RLF: variants seen among roughly 807,000 people sequenced by gnomAD.
RLF encodes RLF zinc finger.
Under a neutral mutation model 162.9 loss-of-function variants are expected in RLF, and 7 were observed. That is an observed-to-expected ratio of 0.04 (90% confidence interval 0.02 to 0.08). The LOEUF (loss-of-function observed/expected upper bound fraction) is 0.08. Among genes scored for constraint, RLF ranks in the 10% least tolerant of loss-of-function variants. The probability of loss-of-function intolerance (pLI) is 1.00; values close to 1 mark genes in which losing one functional copy is unlikely to be tolerated. For missense variants in RLF, 1,664 were observed against 2,244.7 expected (o/e 0.74, Z 5.23); for synonymous variants, 782 against 791.5 (o/e 0.99, Z 0.20).
chr1:40,228,082 C>A (rs887320969), intron 6 of RLF, among the ~76,000 whole-genome samples: 1 of 151,956 alleles, frequency 6.6e-6, no homozygotes, highest in Non-Finnish European at 1.5e-5. Context: ...GTCAGGAGTT[C>A]GAGACCAGCC....
intron 7 of RLF, 41 bp downstream of exon 7, chr1:40,231,699 A>T: frequency 6.4e-7 from 1 of 1,553,068 alleles, no homozygotes; most frequent in Non-Finnish European, 8.7e-7. Context: ...TAGCTGGAGG[A>T]AAGAAATGAG....
At chr1:40,200,939 C>CACAG (rs1491177076) in intron 4 of RLF, among the ~76,000 whole-genome samples, 4 of 102,950 alleles carry the variant, frequency 3.9e-5, no homozygotes, top group African/African-American at 1.5e-4. Context: ...CACACACACA[C>CACAG]TGGTTTATCC....
chr1:40,205,392 T>C (rs1642777157), intron 5 of RLF, among the ~76,000 whole-genome samples: 1 of 152,052 alleles, frequency 6.6e-6, no homozygotes, highest in African/African-American at 2.4e-5. Context: ...ATCCTGTTTC[T>C]ACTTTTAGCT....
Position 40,236,310 on chromosome 1 carries a change from A to G in RLF, c.1608A>G (p.Arg536=), listed in dbSNP as rs761821941. 6.2e-7 allele frequency: 1 copy of G among 1,614,050 alleles called. No individual in the cohort carries two copies. The highest frequency in any genetic ancestry group is 8.5e-7 in the Non-Finnish European group (1 of 1,180,010). Residue 536 remains arginine, a synonymous_variant, in exon 8 of 8, where the codon AGA becomes AGG. Coordinates refer to ENST00000372771, the MANE Select transcript of RLF (RefSeq NM_012421.4). The surrounding 1 kb of genome is among the most constrained non-coding windows in gnomAD (Gnocchi z 7.7). ...TGACAGATCAGCATAAGGAGAAAAG[A>G]GACAAAAAACCTATTGGCTCTTCTG... ...RDLTDQHKEK[R]DKKPIGSSER...
At chr1:40,180,402 G>A (rs1443201155) in intron 1 of RLF, among the ~76,000 whole-genome samples, 1 of 152,028 alleles carries the variant, frequency 6.6e-6, no homozygotes, top group African/African-American at 2.4e-5. Flanking sequence ...GGGATTATAG[G>A]CGCCCGCCAC....
rs35301710 is a variant in RLF at position 40,179,546 on chromosome 1, CTTT to C, written c.238-9497_238-9495del. Among the ~76,000 whole-genome samples, 1,421 of 143,440 alleles carry C rather than the reference CTTT, an allele frequency of 9.9e-3. 22 individuals carry two copies. Among genetic ancestry groups the C allele is most frequent in the African/African-American group, 0.034 (1,319 of 39,290 alleles). 94.1% of individuals were successfully genotyped at this position (143,440 alleles called of 152,430 possible). Reference sequence around the variant, plus strand: ...AAAGTCTCTAGACTTAAAGTTAACTCTTTTTTTTTTTTTTGGTACTTTTATTGT... The same window carrying C: ...AAAGTCTCTAGACTTAAAGTTAACTCTTTTTTTTTTTGGTACTTTTATTGT... On this transcript the variant is annotated intron_variant, in intron 1 of 7. Coordinates refer to ENST00000372771, the MANE Select transcript of RLF (RefSeq NM_012421.4).
At position 40,161,598 on chromosome 1, in the gene RLF, G is replaced by A. The variant is rs868391019; in HGVS notation, c.199G>A (p.Glu67Lys). The change falls in exon 1 of 8, where the codon GAG becomes AAG. Residue 67 changes from glutamate (E) to lysine (K), a missense_variant. Physicochemically the swap from Glu to Lys is moderately conservative, Grantham distance 56 (BLOSUM62 1). Around this residue, in one of 15 missense-constraint regions of RLF, gnomAD observed 134 missense variants for 124.3 expected, o/e 1.08. Transcript: ENST00000372771. This position sits in a 1 kb window ranked among gnomAD's most constrained non-coding sequence, Gnocchi z 4.4. ...ETELREQEVS[E>K]VSSLNYCRSF... ...AGAGCTGAGGGAGCAAGAGGTGTCG[G>A]AGGTCTCATCTTTGAACTACTGCCG... 1 of 1,613,296 alleles carries A rather than the reference G, an allele frequency of 6.2e-7. No individual in the cohort carries two copies. Among genetic ancestry groups the A allele is most frequent in the South Asian group, 1.1e-5 (1 of 90,958 alleles).
chr1:40,221,006 C>T (rs889590205), intron 5 of RLF, among the ~76,000 whole-genome samples: 3 of 150,780 alleles, frequency 2.0e-5, no homozygotes, highest in Non-Finnish European at 3.0e-5. Flanking sequence ...GTGGTACACA[C>T]CTGTGGTCCC....
At chr1:40,177,292 CT>C (rs552640229) in intron 1 of RLF, among the ~76,000 whole-genome samples, 7,625 of 143,622 alleles carry the variant, frequency 0.053, 457 homozygotes, top group African/African-American at 0.16. Context: ...TTCTTTCTTT[CT>C]TTTTTTTTTT....
intron 1 of RLF, among the ~76,000 whole-genome samples, chr1:40,180,777 G>A (rs1171414584): frequency 6.6e-6 from 1 of 152,152 alleles, no homozygotes; most frequent in Non-Finnish European, 1.5e-5. Flanking sequence ...AGGTCTTTAT[G>A]TGTTTAGATA....
intron 1 of RLF, among the ~76,000 whole-genome samples, chr1:40,183,797 T>C (rs1642437750): frequency 6.6e-6 from 1 of 151,916 alleles, no homozygotes; most frequent in Non-Finnish European, 1.5e-5. Flanking sequence ...ATTTTTGAAA[T>C]GGGCTGATAA....
At position 40,219,495 on chromosome 1, in the gene RLF, A is replaced by G. The variant is rs140262470; in HGVS notation, c.811-3079A>G. On this transcript the variant is annotated intron_variant, in intron 5 of 7. Coordinates refer to ENST00000372771, the MANE Select transcript of RLF (RefSeq NM_012421.4). ...ATGATCAGATGTCTCATTTAGTTAA[A>G]TGACAGTGGAAAATAAGTCTAGAGT... is the stretch of plus-strand genomic sequence containing the variant. 2.0e-5 allele frequency among the ~76,000 whole-genome samples: 3 copies of G among 152,346 alleles called. No homozygotes were observed. In the East Asian group the frequency reaches 5.8e-4, roughly 29 times the overall value.
In RLF at chr1:40,161,542, G is replaced by C. The variant is rs1380228794; in HGVS notation, c.143G>C (p.Gly48Ala). Residue 48 changes from glycine (G) to alanine (A), a missense_variant, in exon 1 of 8, where the codon GGA becomes GCA. By Grantham distance (60) the Gly-to-Ala change is moderately conservative. This residue lies in a region of RLF where 134 missense variants were observed against 124.3 expected (regional missense o/e 1.08). Coordinates refer to ENST00000372771, the MANE Select transcript of RLF (RefSeq NM_012421.4). This position sits in a 1 kb window ranked among gnomAD's most constrained non-coding sequence, Gnocchi z 4.4. The part of the protein sequence containing the change: ...RPVSPAPGAS[G>A]LRPCLWQLET... The stretch of plus-strand genomic sequence containing the variant: ...GTATCTCCAGCGCCGGGAGCCTCGG[G>C]ACTGCGGCCGTGTCTGTGGCAGCTG... The C allele has an allele frequency of 2.5e-6, 4 of 1,608,156 alleles. No homozygotes were observed. Among genetic ancestry groups the C allele is most frequent in the Non-Finnish European group, 2.5e-6 (3 of 1,177,658 alleles).
chr1:40,198,656 A>G (rs1251618674), intron 4 of RLF, among the ~76,000 whole-genome samples: 1 of 152,204 alleles, frequency 6.6e-6, no homozygotes, highest in Non-Finnish European at 1.5e-5. Context: ...TGAAGTATAT[A>G]GTATAAGATA....
chr1:40,224,620 A>T (rs1570557969), intron 6 of RLF, among the ~76,000 whole-genome samples: 1 of 76,070 alleles, frequency 1.3e-5, no homozygotes, highest in South Asian at 4.5e-4. Flanking sequence ...TTGTTTTTGA[A>T]AGCTTTTTTT....
intron 1 of RLF, among the ~76,000 whole-genome samples, chr1:40,178,679 TGTTTTGTG>T (rs1306952945): frequency 6.8e-6 from 1 of 146,896 alleles, no homozygotes; most frequent in African/African-American, 2.5e-5. Flanking sequence ...TGGTCTTTTT[TGTTTTGTG>T]TTTTTTTTTT....
At chr1:40,183,608 T>A (rs1023309490) in intron 1 of RLF, among the ~76,000 whole-genome samples, 1 of 152,112 alleles carries the variant, frequency 6.6e-6, no homozygotes, top group African/African-American at 2.4e-5. Context: ...AATAGTTGAA[T>A]TGTGAAAAGG....
intron 5 of RLF, among the ~76,000 whole-genome samples, chr1:40,220,858 G>A (rs984918869): frequency 6.6e-6 from 1 of 151,860 alleles, no homozygotes; most frequent in Non-Finnish European, 1.5e-5. Flanking sequence ...CAGGGCATTG[G>A]CTCACAACTA....
chr1:40,222,775 A>C, intron 6 of RLF, 65 bp downstream of exon 6: 13 of 1,419,862 alleles, frequency 9.2e-6, no homozygotes, highest in Non-Finnish European at 1.3e-5. Flanking sequence ...GGGTTTATGT[A>C]AAATGTTAAT....
Sources: allele counts gnomAD v4.1 joint callset (sites outside exome capture counted in the v4.1 genomes callset), GRCh38; gene constraint gnomAD v4.1.1; regional missense constraint gnomAD v4.1.1; non-coding constraint Gnocchi (gnomAD v3.1); transcripts MANE v1.5; gene names NCBI Gene and HGNC (gene_info 2026-07-23, HGNC 2026-07-21).